The following RNGTT variants were observed in gnomAD, a reference collection of about 807,000 sequenced individuals.
The protein encoded by RNGTT is mRNA-capping enzyme.
RNGTT carries 33 observed loss-of-function variants against 79.3 expected under a neutral mutation model. The observed-to-expected ratio is 0.42, with a 90% CI of 0.32 to 0.56. The LOEUF is 0.56. Ranked by LOEUF, RNGTT falls within the 20% of genes least tolerant of loss-of-function variation. RNGTT has a pLI of 0.17. For missense variants in RNGTT, 497 were observed against 739.1 expected, an observed-to-expected ratio of 0.67 and a Z score of 3.80; for synonymous variants, 222 against 235.9, an observed-to-expected ratio of 0.94 and a Z score of 0.54.
At chr6:88,937,168 AC>A (rs1309708209) in intron 2 of RNGTT, among the ~76,000 whole-genome samples, 4 of 151,894 alleles carry the variant, frequency 2.6e-5, no homozygotes, top group Non-Finnish European at 5.9e-5. Flanking sequence ...CCATGAAGAA[AC>A]CCCATCTCAA....
At chr6:88,921,061 T>C (rs1342371386) in intron 4 of RNGTT, among the ~76,000 whole-genome samples, 1 of 152,184 alleles carries the variant, frequency 6.6e-6, no homozygotes, top group East Asian at 1.9e-4. Context: ...AACACCTTTC[T>C]AAATAAAAAG....
At chr6:88,937,730 G>A (rs1489711794) in intron 2 of RNGTT, among the ~76,000 whole-genome samples, 1 of 151,906 alleles carries the variant, frequency 6.6e-6, no homozygotes, top group Non-Finnish European at 1.5e-5. Context: ...CTTAGGTTTT[G>A]GTATGTTGTG....
At chr6:88,740,618 G>T (rs778874452) in intron 13 of RNGTT, among the ~76,000 whole-genome samples, 15 of 152,232 alleles carry the variant, frequency 9.9e-5, no homozygotes, top group Middle Eastern at 3.4e-3. Context: ...GCAGGGACAT[G>T]GATGAAGCTG....
rs566018045 is a variant in RNGTT at position 88,670,729 on chromosome 6, G to T, written c.1506+7624C>A. Among the ~76,000 whole-genome samples, 3 of 152,260 alleles carry T rather than the reference G, an allele frequency of 2.0e-5. No individual in the cohort carries two copies. In the South Asian group the frequency reaches 6.2e-4, roughly 32 times the overall value. On this transcript the variant is annotated intron_variant, in intron 14 of 15. Coordinates refer to ENST00000369485, the MANE Select transcript of RNGTT (RefSeq NM_003800.5). ...TTCTGTTCTGCTAGCCCCCATCACT[G>T]ATGCATGTAGCTCTCAGTCATGTAG...
intron 13 of RNGTT, among the ~76,000 whole-genome samples, chr6:88,758,487 T>G (rs896825882): frequency 5.9e-5 from 9 of 152,166 alleles, no homozygotes; most frequent in Non-Finnish European, 1.2e-4. Context: ...TTATGTATAT[T>G]TTAAGTAAAA....
chr6:88,892,121 T>C (rs1783070131), intron 6 of RNGTT, among the ~76,000 whole-genome samples: 1 of 152,040 alleles, frequency 6.6e-6, no homozygotes, highest in African/African-American at 2.4e-5. Flanking sequence ...TTTTCTTCAA[T>C]ATACGTATGT....
intron 8 of RNGTT, among the ~76,000 whole-genome samples, chr6:88,866,862 C>A (rs533789225): frequency 6.6e-6 from 1 of 152,096 alleles, no homozygotes; most frequent in Non-Finnish European, 1.5e-5. Context: ...ATGACTTTAT[C>A]GGATTAAAAA....
intron 8 of RNGTT, among the ~76,000 whole-genome samples, chr6:88,872,426 CA>C (rs1197355088): frequency 6.7e-6 from 1 of 149,256 alleles, no homozygotes; most frequent in African/African-American, 2.5e-5. Flanking sequence ...TTAATAGGTA[CA>C]AAAAAAAAGA....
At chr6:88,749,464 G>A (rs1323752767) in intron 13 of RNGTT, among the ~76,000 whole-genome samples, 1 of 151,066 alleles carries the variant, frequency 6.6e-6, no homozygotes, top group Non-Finnish European at 1.5e-5. Flanking sequence ...ACTTTAAATT[G>A]AGCAGGGAAA....
At chr6:88,782,146 A>C (rs1779084977) in intron 12 of RNGTT, among the ~76,000 whole-genome samples, 1 of 152,012 alleles carries the variant, frequency 6.6e-6, no homozygotes, top group African/African-American at 2.4e-5. Context: ...GCTAACATCG[A>C]CTGAGTTTTT....
intron 12 of RNGTT, among the ~76,000 whole-genome samples, chr6:88,774,355 A>T (rs1778800538): frequency 6.6e-6 from 1 of 152,184 alleles, no homozygotes; most frequent in South Asian, 2.1e-4. Flanking sequence ...ATAAATCAGA[A>T]CATGCACATT....
intron 12 of RNGTT, among the ~76,000 whole-genome samples, chr6:88,773,678 T>A (rs1356790557): frequency 6.6e-6 from 1 of 152,096 alleles, no homozygotes; most frequent in African/African-American, 2.4e-5. Context: ...AGCAAATTGA[T>A]TTCTTTTCCA....
chr6:88,746,860 G>A (rs928979463), intron 13 of RNGTT, among the ~76,000 whole-genome samples: 3 of 152,160 alleles, frequency 2.0e-5, no homozygotes, highest in Admixed American at 6.5e-5. Flanking sequence ...GGGAAGTGAT[G>A]CCAACTCTTG....
At chr6:88,627,187 T>C (rs1471349564) in intron 14 of RNGTT, among the ~76,000 whole-genome samples, 4 of 152,126 alleles carry the variant, frequency 2.6e-5, no homozygotes, top group Non-Finnish European at 5.9e-5. Flanking sequence ...ATAAAGTATA[T>C]TTTTCACATT....
At chr6:88,911,653 T>C (rs1001504488) in intron 4 of RNGTT, among the ~76,000 whole-genome samples, 1 of 152,168 alleles carries the variant, frequency 6.6e-6, no homozygotes, top group Non-Finnish European at 1.5e-5. Context: ...TGGATGACTT[T>C]TGGGCAAACA....
At chr6:88,706,326 A>C (rs1776129624) in intron 13 of RNGTT, among the ~76,000 whole-genome samples, 1 of 152,054 alleles carries the variant, frequency 6.6e-6, no homozygotes, top group Non-Finnish European at 1.5e-5. Context: ...TTTACAAGAA[A>C]ATAGAGGTCC....
At chr6:88,891,754 G>A (rs964199607) in intron 7 of RNGTT, 52 bp downstream of exon 7, 1 of 1,112,060 alleles carries the variant, frequency 9.0e-7, no homozygotes, top group Non-Finnish European at 1.3e-6. Context: ...CTTGTATTAA[G>A]TGTTGTAAAA....
chr6:88,711,263 A>G (rs1164860353), intron 13 of RNGTT, among the ~76,000 whole-genome samples: 1 of 152,154 alleles, frequency 6.6e-6, no homozygotes, highest in Admixed American at 6.5e-5. Context: ...ACATCTTCCA[A>G]TTATTTAGGA....
intron 12 of RNGTT, among the ~76,000 whole-genome samples, chr6:88,791,564 G>C (rs1456934913): frequency 1.3e-5 from 2 of 151,752 alleles, no homozygotes; most frequent in East Asian, 1.9e-4. Flanking sequence ...TTTTGAGACA[G>C]AGTCTGGCTC....
Sources: allele counts gnomAD v4.1 joint callset (sites outside exome capture counted in the v4.1 genomes callset), GRCh38; gene constraint gnomAD v4.1.1; transcripts MANE v1.5; gene names NCBI Gene and HGNC (gene_info 2026-07-23, HGNC 2026-07-21).